AMOTL1: variants seen among roughly 807,000 people sequenced by gnomAD.
The protein encoded by AMOTL1 is angiomotin like 1.
Under a neutral mutation model 102.9 loss-of-function variants are expected in AMOTL1, and 45 were observed. That is an observed-to-expected ratio of 0.44 (90% CI 0.34 to 0.56). AMOTL1 has a LOEUF of 0.56. Among genes scored for constraint, AMOTL1 ranks in the 20% least tolerant of loss-of-function variants. The pLI is 0.01. For missense variants in AMOTL1, 1,114 were observed against 1,225.6 expected, an observed-to-expected ratio of 0.91 and a Z score of 1.36; for synonymous variants, 481 against 484.7, an observed-to-expected ratio of 0.99 and a Z score of 0.10.
At chr11:94,774,187 C>T (rs1460419126) in intron 1 of AMOTL1, among the ~76,000 whole-genome samples, 1 of 152,198 alleles carries the variant, frequency 6.6e-6, no homozygotes, top group African/African-American at 2.4e-5. Flanking sequence ...ACCTGGAACC[C>T]CTGTTCTTAC....
At chr11:94,790,158 A>C (rs1026388687) in intron 1 of AMOTL1, among the ~76,000 whole-genome samples, 1 of 152,174 alleles carries the variant, frequency 6.6e-6, no homozygotes, top group African/African-American at 2.4e-5. Flanking sequence ...CTTACTTGGT[A>C]CTGAGAACAT....
rs139872694 is a variant in AMOTL1 at position 94,754,342 on chromosome 11, G to A, written c.136+13354G>A. On this transcript the variant is annotated intron_variant, in intron 3 of 4. Coordinates refer to the AMOTL1 transcript ENST00000299004. Reference sequence around the variant, plus strand: ...GAACAGCTGGCGGCAGCCATTGTGAGCTCTTCCTCTGGGGTCCCTGTGACC... The same window carrying A: ...GAACAGCTGGCGGCAGCCATTGTGAACTCTTCCTCTGGGGTCCCTGTGACC... 4.1e-3 allele frequency among the ~76,000 whole-genome samples: 623 copies of A among 152,268 alleles called. 8 individuals carry two copies. The highest frequency in any genetic ancestry group is 0.014 in the African/African-American group (579 of 41,542).
chr11:94,836,742 ATTCT>A (rs1178941084), intron 6 of AMOTL1, among the ~76,000 whole-genome samples: 3 of 149,890 alleles, frequency 2.0e-5, no homozygotes, highest in Non-Finnish European at 4.4e-5. Flanking sequence ...CTTTTTTTGC[ATTCT>A]TTCTTCCTTC....
intron 3 of AMOTL1, among the ~76,000 whole-genome samples, chr11:94,812,244 A>G (rs760431997): frequency 1.3e-5 from 2 of 152,118 alleles, no homozygotes; most frequent in Non-Finnish European, 2.9e-5. Context: ...AGATCTCAGG[A>G]AGTTTATTTT....
At position 94,711,239 on chromosome 11, in the gene AMOTL1, AC is replaced by A. The variant is rs543051022; in HGVS notation, c.-51+4643del. Among the ~76,000 whole-genome samples the A allele has an allele frequency of 3.1e-3, 470 of 152,280 alleles. 2 individuals are homozygous for A. The highest frequency in any genetic ancestry group is 5.0e-3 in the Non-Finnish European group (343 of 68,020). On this transcript the variant is annotated intron_variant, in intron 1 of 4. Transcript: ENST00000299004. ...GTTGATCTAGTTGTGGATTTTGTAA[AC>A]AAAGAATCATGCAAACACTCTGGCT... is the stretch of plus-strand genomic sequence containing the variant.
intron 7 of AMOTL1, 119 bp downstream of exon 7, chr11:94,850,378 G>A: frequency 7.6e-7 from 1 of 1,314,824 alleles, no homozygotes; most frequent in South Asian, 1.7e-5. Context: ...GTTGAGACAG[G>A]GGAGGGATAT....
rs73525865 is a variant in AMOTL1 at position 94,722,221 on chromosome 11, A to G, written c.-50-6700A>G. ...ACATATCAATGGATTCTTGTTTGCA[A>G]TCTCACCCATTTTTTACACATCTTT... is the stretch of plus-strand genomic sequence containing the variant. On this transcript the variant is annotated intron_variant, in intron 1 of 4. Transcript: ENST00000299004. Among the ~76,000 whole-genome samples, 888 of 152,076 alleles carry G rather than the reference A, an allele frequency of 5.8e-3. 6 individuals carry two copies. The highest frequency in any genetic ancestry group is 0.02 in the African/African-American group (819 of 41,494).
intron 2 of AMOTL1, among the ~76,000 whole-genome samples, chr11:94,736,683 C>T (rs1950442746): frequency 6.6e-6 from 1 of 152,198 alleles, no homozygotes; most frequent in African/African-American, 2.4e-5. Context: ...AAAATGCCTG[C>T]CACCCAATAT....
rs1167294903 is a variant in AMOTL1, at chr11:94,799,046, G to T, written c.200-344G>T. On this transcript the variant is annotated intron_variant, in intron 2 of 12. Transcript: ENST00000433060. This position sits in a 1 kb window ranked among gnomAD's most constrained non-coding sequence, Gnocchi z 4.5. ...AAGAAAAGGTGGTTTCTTTTGGTTTGATTTTGGTTTTCTCTTGTATTTTTT... is the reference window on the plus strand; with the variant it reads ...AAGAAAAGGTGGTTTCTTTTGGTTTTATTTTGGTTTTCTCTTGTATTTTTT... Among the ~76,000 whole-genome samples the T allele has an allele frequency of 1.3e-5, 2 of 152,016 alleles. No individual in the cohort carries two copies. The highest frequency in any genetic ancestry group is 3.9e-4 in the East Asian group (2 of 5,186).
chr11:94,782,699 A>C (rs1951130376), intron 1 of AMOTL1, among the ~76,000 whole-genome samples: 2 of 152,228 alleles, frequency 1.3e-5, no homozygotes, highest in African/African-American at 4.8e-5. Context: ...GAATAGTCAC[A>C]ATTATCTGAA....
intron 3 of AMOTL1, among the ~76,000 whole-genome samples, chr11:94,741,340 G>C (rs772636433): frequency 6.6e-6 from 1 of 152,142 alleles, no homozygotes; most frequent in Non-Finnish European, 1.5e-5. Context: ...TGAAACCTGC[G>C]CTCATCTTGC....
chr11:94,778,249 A>G (rs72971758), intron 1 of AMOTL1, among the ~76,000 whole-genome samples: 2,481 of 152,360 alleles, frequency 0.016, 32 homozygotes, highest in South Asian at 0.035. Flanking sequence ...CAAAGAATTA[A>G]TAGAAGTGTG....
chr11:94,728,131 C>T (rs949161), intron 1 of AMOTL1, among the ~76,000 whole-genome samples: 115,837 of 152,168 alleles, frequency 0.76, 47,806 homozygotes, highest in Non-Finnish European at 0.92. Flanking sequence ...TGTTCAATTA[C>T]TCAATCACTT....
At chr11:94,793,460 A>T (rs1420118403) in intron 1 of AMOTL1, among the ~76,000 whole-genome samples, 1 of 152,232 alleles carries the variant, frequency 6.6e-6, no homozygotes, top group Non-Finnish European at 1.5e-5. Flanking sequence ...CTGATTGAAT[A>T]GATCTGGGTG....
At chr11:94,712,133 C>A (rs565005672) in intron 1 of AMOTL1, among the ~76,000 whole-genome samples, 1 of 152,088 alleles carries the variant, frequency 6.6e-6, no homozygotes, top group South Asian at 2.1e-4. Flanking sequence ...TTATTTTAGT[C>A]ATTCTGATAG....
chr11:94,717,461 A>G (rs1950114522), intron 1 of AMOTL1, among the ~76,000 whole-genome samples: 1 of 151,424 alleles, frequency 6.6e-6, no homozygotes, highest in Admixed American at 6.6e-5. Flanking sequence ...AGAGCCAACA[A>G]AAGTGGCAAT....
intron 6 of AMOTL1, among the ~76,000 whole-genome samples, chr11:94,835,083 T>C (rs780358333): frequency 6.6e-6 from 1 of 152,242 alleles, no homozygotes; most frequent in African/African-American, 2.4e-5. Context: ...CTTGAGGAAT[T>C]TTTTTCCCCT....
intron 1 of AMOTL1, among the ~76,000 whole-genome samples, chr11:94,716,642 C>T (rs1180715451): frequency 2.0e-5 from 3 of 152,034 alleles, no homozygotes; most frequent in East Asian, 1.9e-4. Flanking sequence ...GCAGGTGCCT[C>T]GTGGGCTGTT....
At chr11:94,787,565 G>A (rs1470877771) in intron 1 of AMOTL1, among the ~76,000 whole-genome samples, 4 of 151,268 alleles carry the variant, frequency 2.6e-5, no homozygotes, top group African/African-American at 7.3e-5. Context: ...GCGCGCGCCT[G>A]TAGTCCCAGC....
Sources: allele counts gnomAD v4.1 joint callset (sites outside exome capture counted in the v4.1 genomes callset), GRCh38; gene constraint gnomAD v4.1.1; non-coding constraint Gnocchi (gnomAD v3.1); transcripts MANE v1.5; gene names NCBI Gene and HGNC (gene_info 2026-07-23, HGNC 2026-07-21).